The following RTKN2 variants were observed in gnomAD, a reference collection of about 807,000 sequenced individuals.
The protein encoded by RTKN2 is rhotekin 2, also known as rhotekin-2.
Under a neutral mutation model 71.5 loss-of-function variants are expected in RTKN2, and 69 were observed. That is an observed-to-expected ratio of 0.96 (90% CI 0.79 to 1.18). RTKN2 has a LOEUF of 1.18. RTKN2 is among the 50% of genes most tolerant of loss of function. RTKN2 has a pLI of 0.00. For synonymous variants in RTKN2, 236 were observed against 236.5 expected, an observed-to-expected ratio of 1.00 and a Z score of 0.02; for missense variants, 724 against 719.7, an observed-to-expected ratio of 1.01 and a Z score of -0.07.
At chr10:62,216,755 T>C (rs1201162931) in intron 9 of RTKN2, among the ~76,000 whole-genome samples, 1 of 152,064 alleles carries the variant, frequency 6.6e-6, no homozygotes, top group African/African-American at 2.4e-5. Context: ...TTTTTATGGC[T>C]TCATTTGAAT....
chr10:62,223,393 A>ATT (rs1208638301), intron 6 of RTKN2, 61 bp from the exon 7 acceptor site: 1 of 969,320 alleles, frequency 1.0e-6, no homozygotes, highest in Non-Finnish European at 1.7e-6. Context: ...TACACAAAAT[A>ATT]TTTGTATGTT....
intron 6 of RTKN2, among the ~76,000 whole-genome samples, chr10:62,232,421 C>G (rs544632736): frequency 6.6e-6 from 1 of 151,114 alleles, no homozygotes; most frequent in East Asian, 1.9e-4. Flanking sequence ...CTCAGGTGAT[C>G]CTCCTACTTC....
At chr10:62,247,372 C>A (rs1002936483) in intron 2 of RTKN2, among the ~76,000 whole-genome samples, 1 of 151,710 alleles carries the variant, frequency 6.6e-6, no homozygotes, top group Non-Finnish European at 1.5e-5. Context: ...AAAGTTCATA[C>A]GTTTATATGA....
intron 1 of RTKN2, among the ~76,000 whole-genome samples, chr10:62,264,746 A>G (rs949049320): frequency 6.6e-6 from 1 of 152,178 alleles, no homozygotes; most frequent in Non-Finnish European, 1.5e-5. Flanking sequence ...TATTAGAATC[A>G]TCTGAGGCAG....
intron 9 of RTKN2, among the ~76,000 whole-genome samples, chr10:62,215,333 A>C (rs1040891479): frequency 1.3e-5 from 2 of 152,008 alleles, no homozygotes; most frequent in Non-Finnish European, 2.9e-5. Flanking sequence ...CTGGACTTTT[A>C]AAAAATGTCA....
At chr10:62,260,545 TG>T (rs1169566849) in intron 2 of RTKN2, among the ~76,000 whole-genome samples, 23 of 152,104 alleles carry the variant, frequency 1.5e-4, no homozygotes, top group Non-Finnish European at 2.6e-4. Context: ...TGTGTGTGTG[TG>T]TGTGTGTGTA....
chr10:62,252,498 A>C (rs1842600201), intron 2 of RTKN2, among the ~76,000 whole-genome samples: 1 of 152,134 alleles, frequency 6.6e-6, no homozygotes, highest in South Asian at 2.1e-4. Flanking sequence ...ACAAGAAGTG[A>C]AAATTATACC....
intron 3 of RTKN2, among the ~76,000 whole-genome samples, chr10:62,244,891 G>A (rs1049981299): frequency 6.6e-6 from 1 of 152,180 alleles, no homozygotes; most frequent in African/African-American, 2.4e-5. Context: ...CTACCGTCCT[G>A]TGTGATAATT....
chr10:62,199,175 A>G (rs1333098624), intron 11 of RTKN2, among the ~76,000 whole-genome samples: 1 of 152,216 alleles, frequency 6.6e-6, no homozygotes, highest in African/African-American at 2.4e-5. Flanking sequence ...TGGCAAATTA[A>G]ACAGAATTTA....
intron 6 of RTKN2, among the ~76,000 whole-genome samples, chr10:62,225,720 A>G (rs1036803842): frequency 6.6e-6 from 1 of 151,902 alleles, no homozygotes; most frequent in African/African-American, 2.4e-5. Flanking sequence ...GATGAATTTC[A>G]TATCCTGGCA....
intron 6 of RTKN2, among the ~76,000 whole-genome samples, chr10:62,230,062 G>A (rs1485833841): frequency 1.3e-5 from 2 of 152,174 alleles, no homozygotes; most frequent in Non-Finnish European, 2.9e-5. Context: ...TTAAAAACCT[G>A]AAAGTAAAAT....
chr10:62,227,690 T>C (rs10740070), intron 6 of RTKN2, among the ~76,000 whole-genome samples: 135,613 of 152,176 alleles, frequency 0.89, 60,552 homozygotes, highest in East Asian at 1. Context: ...ATTAAATGAT[T>C]CCTCTGGCTG....
At position 62,246,133 on chromosome 10, in the gene RTKN2, C is replaced by A; in HGVS notation, c.258-76G>T. On this transcript the variant is annotated intron_variant, in intron 2 of 11. Coordinates refer to ENST00000373789, the MANE Select transcript of RTKN2 (RefSeq NM_145307.4). ...TATTTTAACAGTGTTTCACAAATGT[C>A]AAAATATTAAAAGCAAATGCATATC... is the stretch of plus-strand genomic sequence containing the variant. The A allele has an allele frequency of 3.2e-6, 3 of 926,122 alleles. No individual in the cohort carries two copies. The South Asian group carries it at 4.8e-5, about 15-fold the overall frequency. 57.4% of individuals were successfully genotyped at this position (926,122 alleles called of 1,614,324 possible).
In RTKN2 at chr10:62,268,710, G is replaced by GT; in HGVS notation, c.-101dup. ...CGCAGAGGACGCCAACCGCCCGGCC[G>GT]TACCAAGTCCCAGTCGCAGGGGCCG... On this transcript the variant is annotated 5_prime_UTR_variant, in exon 1 of 12. Coordinates refer to ENST00000373789, the MANE Select transcript of RTKN2 (RefSeq NM_145307.4). 7.9e-7 allele frequency: 1 copy of GT among 1,269,834 alleles called. No homozygotes were observed. The highest frequency in any genetic ancestry group is 1.1e-6 in the Non-Finnish European group (1 of 916,392). The allele number at this position is 1,269,834 out of a possible 1,614,324, so 78.7% of individuals were successfully genotyped here. A position where few individuals can be genotyped will look rare whatever the true frequency, so the allele number is the denominator to read the frequency against.
At chr10:62,242,235 A>T (rs1243959587) in intron 3 of RTKN2, among the ~76,000 whole-genome samples, 1 of 152,002 alleles carries the variant, frequency 6.6e-6, no homozygotes, top group Non-Finnish European at 1.5e-5. Context: ...CCTTACTCTT[A>T]CTTGCTAATT....
intron 9 of RTKN2, 128 bp from the exon 10 acceptor site, chr10:62,205,150 A>G: frequency 4.3e-6 from 3 of 705,516 alleles, no homozygotes; most frequent in Non-Finnish European, 6.7e-6. Context: ...ATCATTTGAA[A>G]TTTAAAACAT....
chr10:62,257,869 C>T (rs1842703316), intron 2 of RTKN2, among the ~76,000 whole-genome samples: 2 of 152,142 alleles, frequency 1.3e-5, no homozygotes, highest in Non-Finnish European at 2.9e-5. Flanking sequence ...GCAACCTATG[C>T]ACCTCATCCT....
chr10:62,267,772 AAAG>A (rs1454264922), intron 1 of RTKN2, among the ~76,000 whole-genome samples: 3 of 152,232 alleles, frequency 2.0e-5, no homozygotes, highest in Non-Finnish European at 4.4e-5. Flanking sequence ...GAAGTAGGTA[AAAG>A]AAGGTAGAGA....
intron 3 of RTKN2, among the ~76,000 whole-genome samples, chr10:62,243,089 C>T (rs538407815): frequency 6.6e-6 from 1 of 150,904 alleles, no homozygotes; most frequent in Admixed American, 6.6e-5. Context: ...CCCATTAACT[C>T]ATCATTTAGC....
Sources: allele counts gnomAD v4.1 joint callset (sites outside exome capture counted in the v4.1 genomes callset), GRCh38; gene constraint gnomAD v4.1.1; transcripts MANE v1.5; gene names NCBI Gene and HGNC (gene_info 2026-07-23, HGNC 2026-07-21).